SPEF2: variants seen among roughly 807,000 people sequenced by gnomAD.
The protein encoded by SPEF2 is sperm flagellar and cilia associated 2.
SPEF2 carries 187 observed loss-of-function variants against 224.6 expected under a neutral mutation model. The ratio of observed to expected loss-of-function variants is 0.83; its 90% confidence interval spans 0.74 to 0.94. The LOEUF (loss-of-function observed/expected upper bound fraction) is 0.94, where lower values mean the gene tolerates loss of function less well. Ranked by LOEUF, SPEF2 falls within the 40% of genes least tolerant of loss-of-function variation. The pLI is 0.00. For synonymous variants in SPEF2, 715 were observed against 707.3 expected, an observed-to-expected ratio of 1.01 and a Z score of -0.17; for missense variants, 2,170 against 2,135.6, an observed-to-expected ratio of 1.02 and a Z score of -0.32.
chr5:35,708,097 T>C (rs1243156364), intron 18 of SPEF2, among the ~76,000 whole-genome samples: 1 of 152,178 alleles, frequency 6.6e-6, no homozygotes, highest in Non-Finnish European at 1.5e-5. Context: ...GTTTGCAATA[T>C]TATTATAATT....
At position 35,697,944 on chromosome 5, in the gene SPEF2, A is replaced by G. The variant is rs912968549; in HGVS notation, c.2141+151A>G. On this transcript the variant is annotated intron_variant, in intron 15 of 36. Coordinates refer to ENST00000356031, the MANE Select transcript of SPEF2 (RefSeq NM_024867.4). ...TATACAGCAATGAAAAGGTAGATTT[A>G]TTTTGTGACTTACGTGCCTATATTC... 3.1e-5 allele frequency: 17 copies of G among 543,870 alleles called. No homozygotes were observed. The South Asian group carries it at 4.9e-4, about 16-fold the overall frequency. 33.7% of individuals were successfully genotyped at this position (543,870 alleles called of 1,614,324 possible).
intron 30 of SPEF2, chr5:35,788,164 A>C (rs907403129): frequency 2.8e-6 from 2 of 702,912 alleles, no homozygotes; most frequent in Non-Finnish European, 5.2e-6. Flanking sequence ...TAATGGAAGC[A>C]ACAAGTAGCT....
At position 35,753,743 on chromosome 5, in the gene SPEF2, T is replaced by C; in HGVS notation, c.3450T>C (p.His1150=). Residue 1150 remains histidine, a synonymous_variant, in exon 24 of 37, where the codon CAT becomes CAC. Coordinates refer to ENST00000356031, the MANE Select transcript of SPEF2 (RefSeq NM_024867.4). Reference sequence around the variant, plus strand: ...ACACTCTTGGAATGACAATGAACCATTTCTTTTCCCTGATGCAGGTAAGAG... The same window carrying C: ...ACACTCTTGGAATGACAATGAACCACTTCTTTTCCCTGATGCAGGTAAGAG... ...LQDTLGMTMN[H]FFSLMQAELN... 2 of 1,614,096 alleles carry C rather than the reference T, an allele frequency of 1.2e-6. No homozygotes were observed. The highest frequency in any genetic ancestry group is 2.2e-5 in the South Asian group (2 of 91,078).
In SPEF2 at chr5:35,796,970, T is replaced by C. The variant is rs547431791; in HGVS notation, c.4830+1175T>C. ...TGAAACTGGGGGACTGAAAACCAAT[T>C]ATCCTGGAGCGTTTTGGAATGGTCT... On this transcript the variant is annotated intron_variant, in intron 33 of 36. Transcript: ENST00000356031. 5.3e-5 allele frequency among the ~76,000 whole-genome samples: 8 copies of C among 152,268 alleles called. No homozygotes were observed. In the South Asian group the frequency reaches 1.7e-3, roughly 32 times the overall value.
At chr5:35,636,610 A>G (rs1745864105) in intron 2 of SPEF2, among the ~76,000 whole-genome samples, 1 of 152,176 alleles carries the variant, frequency 6.6e-6, no homozygotes, top group Non-Finnish European at 1.5e-5. Context: ...TTCAGTGAGT[A>G]AGCTCTATCA....
At chr5:35,632,920 A>T (rs759231100) in intron 2 of SPEF2, 1 of 152,184 alleles carries the variant, frequency 6.6e-6, no homozygotes, top group Admixed American at 6.5e-5. Context: ...TGGACAACAC[A>T]GTTATTTCAA....
intron 19 of SPEF2, chr5:35,709,881 GCTGA>G: frequency 1.0e-6 from 1 of 985,324 alleles, no homozygotes; most frequent in South Asian, 4.7e-5. Context: ...TTTATAAATG[GCTGA>G]CTGTGCAGTT....
intron 2 of SPEF2, among the ~76,000 whole-genome samples, chr5:35,638,710 G>C (rs1746176437): frequency 6.6e-6 from 1 of 152,030 alleles, no homozygotes; most frequent in Admixed American, 6.6e-5. Flanking sequence ...ACATGAAGGA[G>C]CCCAAACAAC....
chr5:35,688,039 A>G (rs1171336054), intron 10 of SPEF2, among the ~76,000 whole-genome samples: 1 of 152,224 alleles, frequency 6.6e-6, no homozygotes, highest in Non-Finnish European at 1.5e-5. Flanking sequence ...TGGTTCAAAG[A>G]ATCCATAGGT....
At position 35,641,521 on chromosome 5, in the gene SPEF2, C is replaced by A. The variant is rs149702187; in HGVS notation, c.252C>A (p.Gly84=). 50 of 1,613,772 alleles carry A rather than the reference C, an allele frequency of 3.1e-5. No individual in the cohort carries two copies. In the African/African-American group the frequency reaches 6.4e-4, roughly 21 times the overall value. ...AGTTTGATCAGAATGTGGCCCATGG[C>A]ATCATCACAGAAAAGCCTGGGGTGG... ...GVQFDQNVAH[G]IITEKPGVAT... The change falls in exon 3 of 37, where the codon GGC becomes GGA. Residue 84 remains glycine, a synonymous_variant. Transcript: ENST00000356031.
At chr5:35,722,400 T>C (rs1743855960) in intron 20 of SPEF2, among the ~76,000 whole-genome samples, 1 of 151,858 alleles carries the variant, frequency 6.6e-6, no homozygotes, top group African/African-American at 2.4e-5. Flanking sequence ...GGGGACTTGG[T>C]TTCCCCCACC....
At chr5:35,665,528 A>G (rs1463824726) in intron 8 of SPEF2, among the ~76,000 whole-genome samples, 1 of 152,098 alleles carries the variant, frequency 6.6e-6, no homozygotes, top group East Asian at 1.9e-4. Flanking sequence ...TGAAAGCTAT[A>G]CTATTACTGG....
chr5:35,797,310 G>A (rs962017653), intron 33 of SPEF2, among the ~76,000 whole-genome samples: 21 of 129,088 alleles, frequency 1.6e-4, no homozygotes, highest in African/African-American at 6.0e-4. Context: ...AACAAAGATG[G>A]CTGACGGGTG....
At chr5:35,811,961 AT>A (rs751337579) in intron 36 of SPEF2, among the ~76,000 whole-genome samples, 1 of 150,484 alleles carries the variant, frequency 6.6e-6, no homozygotes, top group East Asian at 2.0e-4. Flanking sequence ...ATTTCTCCAT[AT>A]TTTTTTTATT....
chr5:35,691,582 G>A (rs973204849), intron 11 of SPEF2, among the ~76,000 whole-genome samples: 2 of 152,134 alleles, frequency 1.3e-5, no homozygotes, highest in African/African-American at 2.4e-5. Context: ...TGGAATTATT[G>A]GATGCCAGAG....
chr5:35,622,188 C>G (rs752033017), intron 1 of SPEF2, among the ~76,000 whole-genome samples: 1 of 151,854 alleles, frequency 6.6e-6, no homozygotes, highest in Admixed American at 6.6e-5. Flanking sequence ...AATGATTAAT[C>G]TTTTCGTTTT....
At chr5:35,619,308 A>T (rs1330715148) in intron 1 of SPEF2, among the ~76,000 whole-genome samples, 1 of 152,184 alleles carries the variant, frequency 6.6e-6, no homozygotes, top group Admixed American at 6.5e-5. Flanking sequence ...ATAAAATATC[A>T]TGCCCTTAAG....
intron 10 of SPEF2, chr5:35,671,278 A>G (rs1751188841): frequency 1.0e-6 from 1 of 973,688 alleles, no homozygotes; most frequent in Non-Finnish European, 1.2e-6. Context: ...AGTAAATATT[A>G]CAAGAAGATA....
chr5:35,677,129 T>C (rs1752136245), intron 10 of SPEF2, among the ~76,000 whole-genome samples: 1 of 152,144 alleles, frequency 6.6e-6, no homozygotes, highest in Admixed American at 6.5e-5. Context: ...AGTTACAAGG[T>C]AGGCAGAACA....
Sources: gnomAD v4.1 joint callset for allele counts (sites outside exome capture counted in the v4.1 genomes callset) on GRCh38, gnomAD v4.1.1 for gene constraint, MANE v1.5 for transcripts, NCBI Gene and HGNC (gene_info 2026-07-23, HGNC 2026-07-21) for gene names.